The following UBE2L6 variants were observed in gnomAD, a reference collection of about 807,000 sequenced individuals.
The protein encoded by UBE2L6 is ubiquitin conjugating enzyme E2 L6.
In UBE2L6, 11 loss-of-function variants were observed where a neutral mutation model predicts 13.6. That is an observed-to-expected ratio of 0.81 (90% CI 0.51 to 1.34). The LOEUF (loss-of-function observed/expected upper bound fraction) is 1.34, where lower values mean the gene tolerates loss of function less well. Ranked by LOEUF, UBE2L6 falls within the 40% of genes most tolerant of loss-of-function variation. The pLI is 0.00. For synonymous variants in UBE2L6, 74 were observed against 83.2 expected, an observed-to-expected ratio of 0.89 and a Z score of 0.60; for missense variants, 197 against 199.5, an observed-to-expected ratio of 0.99 and a Z score of 0.07.
At chr11:57,566,590 G>T (rs567894402) in intron 1 of UBE2L6, among the ~76,000 whole-genome samples, 1 of 152,288 alleles carries the variant, frequency 6.6e-6, no homozygotes, top group South Asian at 2.1e-4. Flanking sequence ...CCACTTGGCT[G>T]GAAAGACCCT....
At chr11:57,562,170 G>A (rs1281066330) in intron 1 of UBE2L6, among the ~76,000 whole-genome samples, 1 of 152,238 alleles carries the variant, frequency 6.6e-6, no homozygotes, top group Non-Finnish European at 1.5e-5. Flanking sequence ...GCGAACATCA[G>A]CAGTAGTACC....
At chr11:57,556,163 G>A (rs1291743804) in intron 2 of UBE2L6, among the ~76,000 whole-genome samples, 1 of 152,160 alleles carries the variant, frequency 6.6e-6, no homozygotes, top group African/African-American at 2.4e-5. Flanking sequence ...CTGCCTGGGT[G>A]TGATTCAACT....
intron 2 of UBE2L6, among the ~76,000 whole-genome samples, chr11:57,554,992 T>C (rs1481139861): frequency 6.6e-6 from 1 of 152,178 alleles, no homozygotes; most frequent in African/African-American, 2.4e-5. Flanking sequence ...TGGAACATCC[T>C]TTCTTAAAAC....
intron 1 of UBE2L6, among the ~76,000 whole-genome samples, chr11:57,562,048 T>G (rs1590810623): frequency 6.6e-6 from 1 of 152,318 alleles, no homozygotes; most frequent in Admixed American, 6.5e-5. Context: ...CTGATAAACA[T>G]CCTAACAAAG....
At chr11:57,565,596 C>T (rs1945084569) in intron 1 of UBE2L6, among the ~76,000 whole-genome samples, 1 of 151,950 alleles carries the variant, frequency 6.6e-6, no homozygotes, top group Non-Finnish European at 1.5e-5. Flanking sequence ...AACTCCTAGG[C>T]TCAAGCAGTC....
At chr11:57,566,465 G>A (rs892097493) in intron 1 of UBE2L6, among the ~76,000 whole-genome samples, 1 of 152,208 alleles carries the variant, frequency 6.6e-6, no homozygotes, top group African/African-American at 2.4e-5. Context: ...TTTGTAAAAT[G>A]CGGGTATATA....
chr11:57,555,541 C>A (rs1944990739), intron 2 of UBE2L6, among the ~76,000 whole-genome samples: 1 of 152,144 alleles, frequency 6.6e-6, no homozygotes. Flanking sequence ...ACAAAAAGTT[C>A]TAGAGATGAA....
At chr11:57,563,533 C>A (rs566774256) in intron 1 of UBE2L6, among the ~76,000 whole-genome samples, 6 of 147,158 alleles carry the variant, frequency 4.1e-5, no homozygotes, top group African/African-American at 1.5e-4. Context: ...CATACTGAAA[C>A]GCATCAGTCT....
intron 1 of UBE2L6, among the ~76,000 whole-genome samples, chr11:57,562,011 C>T (rs924927556): frequency 6.6e-6 from 1 of 152,174 alleles, no homozygotes; most frequent in Admixed American, 6.5e-5. Flanking sequence ...TGTCATAAAT[C>T]GGGAGAGTGG....
chr11:57,560,386 A>G lies in UBE2L6; in HGVS notation c.74T>C (p.Leu25Pro). 6.2e-7 allele frequency: 1 copy of G among 1,613,936 alleles called. No homozygotes were observed. ...QKKPPPYLRN[L>P]SSDDANVLVW... ...CAGGACATTGGCATCATCGCTGGAC[A>G]GGTTCCGCAGGTATGGGGGAGGCTT... Residue 25 changes from leucine to proline, a missense_variant, in exon 2 of 4, where the codon CTG (leucine) becomes CCG (proline). Leu to Pro is a moderately conservative substitution (Grantham distance 98). Transcript: ENST00000287156.
Position 57,552,460 on chromosome 11 carries a change from G to A in UBE2L6, c.360C>T (p.Pro120=). ...GCAGGTCAGCGAGGTCCATCCGCAGGGGCTCCCTGATATTCGGTCTATTCA... is the reference window on the plus strand; with the variant it reads ...GCAGGTCAGCGAGGTCCATCCGCAGAGGCTCCCTGATATTCGGTCTATTCA... ...VLVNRPNIRE[P]LRMDLADLLT... The change falls in exon 4 of 4, where the codon CCC becomes CCT. Residue 120 remains proline (P), a synonymous_variant. Transcript: ENST00000287156. 6.2e-7 allele frequency: 1 copy of A among 1,614,150 alleles called. No homozygotes were observed. Among genetic ancestry groups the A allele is most frequent in the African/African-American group, 1.3e-5 (1 of 75,024 alleles).
intron 3 of UBE2L6, among the ~76,000 whole-genome samples, chr11:57,553,121 AC>A (rs1319707341): frequency 1.3e-5 from 2 of 152,214 alleles, no homozygotes; most frequent in Non-Finnish European, 2.9e-5. Flanking sequence ...AGGATTGCAC[AC>A]TGATTCAGCC....
At chr11:57,563,281 G>C (rs1023469870) in intron 1 of UBE2L6, among the ~76,000 whole-genome samples, 2 of 151,628 alleles carry the variant, frequency 1.3e-5, no homozygotes, top group African/African-American at 4.8e-5. Flanking sequence ...CCTGAGGTTA[G>C]GAGTGCAAGA....
chr11:57,556,975 A>G (rs1945002766), intron 2 of UBE2L6, among the ~76,000 whole-genome samples: 1 of 151,596 alleles, frequency 6.6e-6, no homozygotes, highest in Non-Finnish European at 1.5e-5. Flanking sequence ...AGTCCCAGCT[A>G]CTCAGGAGGC....
Position 57,552,347 on chromosome 11 carries a change from C to A in UBE2L6, c.*11G>T, listed in dbSNP as rs375112042. ...GCCGAGGATCCAGTGCACAGAGGGT[C>A]AGAACATGAGTTAGGAGGGCCGGTC... On this transcript the variant is annotated 3_prime_UTR_variant, in exon 4 of 4. Transcript: ENST00000287156. The A allele has an allele frequency of 3.1e-6, 5 of 1,613,996 alleles. No homozygotes were observed. The African/African-American group carries it at 4.0e-5, about 13-fold the overall frequency.
chr11:57,552,789 T>G (rs980155682), intron 3 of UBE2L6, among the ~76,000 whole-genome samples: 3 of 152,188 alleles, frequency 2.0e-5, no homozygotes, highest in South Asian at 2.1e-4. Flanking sequence ...CTGGGTCTTA[T>G]CCCCATTTCA....
intron 2 of UBE2L6, among the ~76,000 whole-genome samples, chr11:57,557,898 G>A (rs982165767): frequency 6.6e-6 from 1 of 152,148 alleles, no homozygotes; most frequent in Non-Finnish European, 1.5e-5. Flanking sequence ...TGAGAGCTCC[G>A]GGGACCTGTC....
chr11:57,562,207 G>A (rs1374510717), intron 1 of UBE2L6, among the ~76,000 whole-genome samples: 1 of 152,220 alleles, frequency 6.6e-6, no homozygotes, highest in Non-Finnish European at 1.5e-5. Flanking sequence ...TAGACCCGTG[G>A]TGGTGGTGGA....
In UBE2L6 at chr11:57,554,419, A is replaced by G. The variant is rs992824892; in HGVS notation, c.310+18T>C. On this transcript the variant is annotated intron_variant, in intron 3 of 3. Coordinates refer to ENST00000287156, the MANE Select transcript of UBE2L6 (RefSeq NM_004223.5). Reference sequence around the variant, plus strand: ...CTACCCAGTATCAGTCCCTCCTCCAAGCAAAGCCCAACCCCACCTTGGCAA... The same window carrying G: ...CTACCCAGTATCAGTCCCTCCTCCAGGCAAAGCCCAACCCCACCTTGGCAA... The G allele has an allele frequency of 5.6e-6, 9 of 1,612,172 alleles. No homozygotes were observed. Among genetic ancestry groups the G allele is most frequent in the Non-Finnish European group, 6.8e-6 (8 of 1,178,764 alleles).
Sources: gnomAD v4.1 joint callset for allele counts (sites outside exome capture counted in the v4.1 genomes callset) on GRCh38, gnomAD v4.1.1 for gene constraint, MANE v1.5 for transcripts, NCBI Gene and HGNC (gene_info 2026-07-23, HGNC 2026-07-21) for gene names.